The following ZNF575 variants were observed in gnomAD, a reference collection of about 807,000 sequenced individuals.
The protein encoded by ZNF575 is zinc finger protein 575.
ZNF575 carries 17 observed loss-of-function variants against 17.5 expected under a neutral mutation model. That is an observed-to-expected ratio of 0.97 (90% CI 0.66 to 1.45). The LOEUF is 1.45. Among genes scored for constraint, ZNF575 ranks in the 40% most tolerant of loss-of-function variants. ZNF575 has a pLI of 0.00. For missense variants in ZNF575, 352 were observed against 359.2 expected (o/e 0.98, Z 0.16); for synonymous variants, 146 against 158.3 (o/e 0.92, Z 0.58).
upstream of ZNF575, among the ~76,000 whole-genome samples, chr19:43,531,542 A>G (rs1038980080): frequency 2.0e-5 from 3 of 152,192 alleles, no homozygotes; most frequent in African/African-American, 7.2e-5. Flanking sequence ...AGATTGCGCC[A>G]CTGCACTCCA....
upstream of ZNF575, among the ~76,000 whole-genome samples, chr19:43,532,678 G>C (rs1418197183): frequency 1.3e-5 from 2 of 152,140 alleles, no homozygotes; most frequent in Non-Finnish European, 2.9e-5. Context: ...GACTTTTATG[G>C]GCATTTCCTG....
rs1396384774 is a variant in ZNF575 at position 43,535,540 on chromosome 19, A to G, written c.591A>G (p.Leu197=). The part of the protein sequence containing the change: ...SFPSKLAAHR[L]CHDPPTAPGS... The stretch of plus-strand genomic sequence containing the variant: ...CCTCCAAGCTGGCCGCCCATCGCCT[A>G]TGTCACGACCCCCCAACCGCGCCCG... The change falls in exon 4 of 4, where the codon CTA becomes CTG. Residue 197 remains leucine (L), a synonymous_variant. Transcript: ENST00000314228. The G allele has an allele frequency of 1.9e-6, 3 of 1,613,830 alleles. No homozygotes were observed. Among genetic ancestry groups the G allele is most frequent in the Non-Finnish European group, 2.5e-6 (3 of 1,179,914 alleles).
upstream of ZNF575, among the ~76,000 whole-genome samples, chr19:43,531,104 C>T (rs58374125): frequency 0.11 from 15,561 of 147,770 alleles, 810 homozygotes; most frequent in African/African-American, 0.14. Flanking sequence ...CATGGTGAAA[C>T]TCCATCTTTA....
chr19:43,535,361 C>T lies in ZNF575; in HGVS notation c.412C>T (p.Leu138Phe). The change falls in exon 4 of 4, where the codon CTC becomes TTC. Residue 138 changes from leucine to phenylalanine, a missense_variant. Physicochemically the swap from Leu to Phe is conservative, Grantham distance 22. Transcript: ENST00000314228. ...FGHRSKLAAH[L>F]WTHAPTRPYP... ...CCACCGCTCCAAGCTGGCGGCTCAC[C>T]TCTGGACCCACGCACCCACCCGCCC... The T allele has an allele frequency of 6.3e-7, 1 of 1,589,694 alleles. No homozygotes were observed. The highest frequency in any genetic ancestry group is 8.6e-7 in the Non-Finnish European group (1 of 1,162,840).
chr19:43,535,737 G>A lies in ZNF575; in HGVS notation c.*50G>A, dbSNP rs768937716. The A allele has an allele frequency of 1.1e-5, 17 of 1,519,262 alleles. No individual in the cohort carries two copies. The highest frequency in any genetic ancestry group is 1.5e-5 in the Non-Finnish European group (17 of 1,132,172). The allele number at this position is 1,519,262 out of a possible 1,614,324, so 94.1% of individuals were successfully genotyped here. On this transcript the variant is annotated 3_prime_UTR_variant, in exon 4 of 4. Coordinates refer to ENST00000314228, the MANE Select transcript of ZNF575 (RefSeq NM_174945.3). The stretch of plus-strand genomic sequence containing the variant: ...TTCTGCCGCCAGCCCTAGCCAGTAA[G>A]AGGTGGGATTTCTAAGACCGACTGT...
chr19:43,534,603 G>A, intron 3 of ZNF575, 102 bp downstream of exon 3: 1 of 1,153,304 alleles, frequency 8.7e-7, no homozygotes, highest in Non-Finnish European at 1.2e-6. Flanking sequence ...AGGGCCCTAG[G>A]GTGATGACTA....
Position 43,535,216 on chromosome 19 carries a change from A to C in ZNF575, c.267A>C (p.Arg89=), listed in dbSNP as rs1972398199. ...ACCGCTTAGCACACGGAGGCGCCCG[A>C]CCCCACCCATGCCCAGACTGCCCCA... ...ATHRLAHGGA[R]PHPCPDCPKA... The change falls in exon 4 of 4, where the codon CGA becomes CGC. Residue 89 remains arginine, a synonymous_variant. Coordinates refer to ENST00000314228, the MANE Select transcript of ZNF575 (RefSeq NM_174945.3). 6.2e-7 allele frequency: 1 copy of C among 1,604,904 alleles called. No individual in the cohort carries two copies. Among genetic ancestry groups the C allele is most frequent in the East Asian group, 2.2e-5 (1 of 44,516 alleles).
At position 43,535,756 on chromosome 19, in the gene ZNF575, C is replaced by G; in HGVS notation, c.*69C>G. On this transcript the variant is annotated 3_prime_UTR_variant, in exon 4 of 4. Coordinates refer to ENST00000314228, the MANE Select transcript of ZNF575 (RefSeq NM_174945.3). ...CAGTAAGAGGTGGGATTTCTAAGAC[C>G]GACTGTATGAGCTCGCCTCTTCCAG... 1 of 1,477,188 alleles carries G rather than the reference C, an allele frequency of 6.8e-7. No homozygotes were observed. Among genetic ancestry groups the G allele is most frequent in the Non-Finnish European group, 9.0e-7 (1 of 1,107,548 alleles). 91.5% of individuals were successfully genotyped at this position (1,477,188 alleles called of 1,614,324 possible).
In ZNF575 at chr19:43,535,121, C is replaced by T. The variant is rs199846217; in HGVS notation, c.172C>T (p.Pro58Ser). Residue 58 changes from proline to serine, a missense_variant, in exon 4 of 4, where the codon CCG (proline) becomes TCG (serine). Coordinates refer to ENST00000314228, the MANE Select transcript of ZNF575 (RefSeq NM_174945.3). ...GCCTCCCCGGCCTCGCCGGCGGCCC[C>T]CGCCCCAGCGCCCGCACCGCTGCCC... ...GSPPRPRRRPPPQRPHRCPDC... is the reference protein window; with the variant it reads ...GSPPRPRRRPSPQRPHRCPDC... 5.0e-4 allele frequency: 774 copies of T among 1,539,934 alleles called. 7 individuals are homozygous for T. In the African/African-American group the frequency reaches 9.6e-3, roughly 19 times the overall value.
Position 43,535,183 on chromosome 19 carries a change from G to A in ZNF575, c.234G>A (p.Leu78=). 6.2e-7 allele frequency: 1 copy of A among 1,608,868 alleles called. No individual in the cohort carries two copies. Among genetic ancestry groups the A allele is most frequent in the African/African-American group, 1.3e-5 (1 of 74,908 alleles). ...CDKAFSYPSK[L]ATHRLAHGGA... ...AGGCCTTCTCGTACCCGTCCAAGCT[G>A]GCCACGCACCGCTTAGCACACGGAG... The change falls in exon 4 of 4, where the codon CTG becomes CTA. Residue 78 remains leucine, a synonymous_variant. Transcript: ENST00000314228.
rs1404870191 is a variant in ZNF575 at position 43,533,271 on chromosome 19, C to T, written c.-445C>T. 7 of 152,412 alleles carry T rather than the reference C, an allele frequency of 4.6e-5. No individual in the cohort carries two copies. Among genetic ancestry groups the T allele is most frequent in the Admixed American group, 4.6e-4 (7 of 15,290 alleles). The allele number at this position is 152,412 out of a possible 1,614,324, so 9.4% of individuals were successfully genotyped here. ...ATTCCTTCTTCCCCCTCTCTGCAGC[C>T]TCTGCCAGCCCGCACTGCGCATGCT... On this transcript the variant is annotated 5_prime_UTR_variant, in exon 1 of 4. Transcript: ENST00000314228.
rs185713355 is a variant in ZNF575, at chr19:43,535,788, G to A, written c.*101G>A. The A allele has an allele frequency of 7.3e-6, 10 of 1,363,190 alleles. No individual in the cohort carries two copies. In the East Asian group the frequency reaches 2.0e-4, roughly 28 times the overall value. 84.4% of individuals were successfully genotyped at this position (1,363,190 alleles called of 1,614,324 possible). A position where few individuals can be genotyped will look rare whatever the true frequency, so the allele number is the denominator to read the frequency against. Reference sequence around the variant, plus strand: ...ATGAGCTCGCCTCTTCCAGATAGCTGGCAGAGGGCAGGGCAAGGGATTGGC... The same window carrying A: ...ATGAGCTCGCCTCTTCCAGATAGCTAGCAGAGGGCAGGGCAAGGGATTGGC... On this transcript the variant is annotated 3_prime_UTR_variant, in exon 4 of 4. Coordinates refer to ENST00000314228, the MANE Select transcript of ZNF575 (RefSeq NM_174945.3).
Position 43,535,568 on chromosome 19 carries a change from A to G in ZNF575, c.619A>G (p.Ser207Gly), listed in dbSNP as rs749376716. 4 of 1,613,852 alleles carry G rather than the reference A, an allele frequency of 2.5e-6. No individual in the cohort carries two copies. In the Admixed American group the frequency reaches 6.7e-5, roughly 27 times the overall value. Residue 207 changes from serine (S) to glycine (G), a missense_variant, in exon 4 of 4, where the codon AGC (serine) becomes GGC (glycine). Transcript: ENST00000314228. ...TCACGACCCCCCAACCGCGCCCGGC[A>G]GCCAGGCGACTGCCTGGCACCGATG... ...LCHDPPTAPGSQATAWHRCSS... is the reference protein window; with the variant it reads ...LCHDPPTAPGGQATAWHRCSS...
In ZNF575 at chr19:43,535,725, C is replaced by G; in HGVS notation, c.*38C>G. On this transcript the variant is annotated 3_prime_UTR_variant, in exon 4 of 4. Transcript: ENST00000314228. ...CTCACTGTCCCCTTCTGCCGCCAGC[C>G]CTAGCCAGTAAGAGGTGGGATTTCT... 1 of 1,538,138 alleles carries G rather than the reference C, an allele frequency of 6.5e-7. No homozygotes were observed. The highest frequency in any genetic ancestry group is 8.8e-7 in the Non-Finnish European group (1 of 1,141,142).
intron 1 of ZNF575, 32 bp from the exon 2 acceptor site, chr19:43,533,763 G>C (rs1187503838): frequency 6.6e-6 from 1 of 152,466 alleles, no homozygotes; most frequent in African/African-American, 2.4e-5. Context: ...GGACCGCGAC[G>C]CATGCCAGGT....
chr19:43,532,766 G>C (rs759893510), upstream of ZNF575, among the ~76,000 whole-genome samples: 1 of 152,190 alleles, frequency 6.6e-6, no homozygotes, highest in Non-Finnish European at 1.5e-5. Context: ...CCCAGGCCTG[G>C]CACCAAGAGC....
chr19:43,535,390 C>T lies in ZNF575; in HGVS notation c.441C>T (p.Tyr147=). The part of the protein sequence containing the change: ...HLWTHAPTRP[Y]PCPDCPKSFC... ...GGACCCACGCACCCACCCGCCCCTA[C>T]CCGTGCCCCGACTGCCCCAAGTCCT... Residue 147 remains tyrosine (Y), a synonymous_variant, in exon 4 of 4, where the codon TAC becomes TAT. Coordinates refer to ENST00000314228, the MANE Select transcript of ZNF575 (RefSeq NM_174945.3). The T allele has an allele frequency of 8.6e-7, 1 of 1,166,804 alleles. No individual in the cohort carries two copies. Among genetic ancestry groups the T allele is most frequent in the Non-Finnish European group, 1.2e-6 (1 of 812,262 alleles). 72.3% of individuals were successfully genotyped at this position (1,166,804 alleles called of 1,614,324 possible).
rs554796312 is a variant in ZNF575, at chr19:43,535,672, G to C, written c.723G>C (p.Lys241Asn). 6.2e-7 allele frequency: 1 copy of C among 1,609,684 alleles called. No individual in the cohort carries two copies. The highest frequency in any genetic ancestry group is 8.5e-7 in the Non-Finnish European group (1 of 1,178,316). ...GCAGCCACCACCAGGTGGAGCACAA[G>C]GGGGAGAGAGACTGAGCCCTCCCTT... ...HQRSHHQVEH[K>N]GERD is the part of the protein sequence containing the mutation. Residue 241 changes from lysine to asparagine, a missense_variant, in exon 4 of 4, where the codon AAG (lysine) becomes AAC (asparagine). Lys to Asn is a moderately conservative substitution (Grantham distance 94). Transcript: ENST00000314228.
At chr19:43,531,124 CAAAAAAAAAAAA>C (rs1200175640), upstream of ZNF575, among the ~76,000 whole-genome samples, 2 of 104,292 alleles carry the variant, frequency 1.9e-5, no homozygotes, top group African/African-American at 3.5e-5. Context: ...ACCAAAAATA[CAAAAAAAAAAAA>C]AAAAATTAGC....
Sources: gnomAD v4.1 joint callset for allele counts (sites outside exome capture counted in the v4.1 genomes callset) on GRCh38, gnomAD v4.1.1 for gene constraint, MANE v1.5 for transcripts, NCBI Gene and HGNC (gene_info 2026-07-23, HGNC 2026-07-21) for gene names.